Variants in KHDRBS3 observed in about 807,000 individuals in gnomAD.
KHDRBS3 encodes the protein KH domain-containing, RNA-binding, signal transduction-associated protein 3.
A neutral mutation model predicts 45.6 loss-of-function variants in KHDRBS3; 23 were observed. The observed-to-expected ratio is 0.50, with a 90% confidence interval of 0.36 to 0.72. The LOEUF (loss-of-function observed/expected upper bound fraction) is 0.72. Among genes scored for constraint, KHDRBS3 ranks in the 30% least tolerant of loss-of-function variants. KHDRBS3 has a pLI of 0.00. For synonymous variants in KHDRBS3, 162 were observed against 156.5 expected (o/e 1.04, Z -0.26); for missense variants, 352 against 424.8 (o/e 0.83, Z 1.51).
intron 5 of KHDRBS3, among the ~76,000 whole-genome samples, chr8:135,578,408 T>C (rs1296206179): frequency 6.6e-6 from 1 of 152,176 alleles, no homozygotes; most frequent in Non-Finnish European, 1.5e-5. Context: ...GAAATATGTC[T>C]GTGTCTAGGT....
Position 135,568,301 on chromosome 8 carries a change from A to G in KHDRBS3, c.611+10714A>G, listed in dbSNP as rs532303373. Among the ~76,000 whole-genome samples the G allele has an allele frequency of 2.6e-5, 4 of 152,350 alleles. No individual in the cohort carries two copies. The South Asian group carries it at 8.3e-4, about 32-fold the overall frequency. ...TAAAACTGAATTTATTCTAAAAAATAGGGTAACTCACTGGTTTTCAATATA... is the reference window on the plus strand; with the variant it reads ...TAAAACTGAATTTATTCTAAAAAATGGGGTAACTCACTGGTTTTCAATATA... On this transcript the variant is annotated intron_variant, in intron 5 of 8. Transcript: ENST00000355849.
Position 135,633,143 on chromosome 8 carries a change from AAGT to A in KHDRBS3, c.891-11912_891-11910del, listed in dbSNP as rs370558176. 1.5e-4 allele frequency among the ~76,000 whole-genome samples: 23 copies of A among 152,296 alleles called. 1 individual carries two copies. In the East Asian group the frequency reaches 3.5e-3, roughly 23 times the overall value. On this transcript the variant is annotated intron_variant, in intron 7 of 8. Transcript: ENST00000355849. ...TTTCCCATTAAAGACAGCTCCATGAAAGTAGTGAATTTGTGTTGTTTATTAAAT... is the reference window on the plus strand; with the variant it reads ...TTTCCCATTAAAGACAGCTCCATGAAAGTGAATTTGTGTTGTTTATTAAAT...
intron 6 of KHDRBS3, among the ~76,000 whole-genome samples, chr8:135,598,613 G>A (rs1218227738): frequency 6.6e-6 from 1 of 152,132 alleles, no homozygotes. Context: ...ATATGAGAAA[G>A]ATTCTTATTT....
Position 135,457,946 on chromosome 8 carries a change from T to C in KHDRBS3, c.80T>C (p.Val27Ala). Reference protein sequence around the residue: ...DPSFTHALRLVNQEIEKFQKG... With the variant: ...DPSFTHALRLANQEIEKFQKG... ...TCCTTCACGCACGCCCTGCGCCTGG[T>C]GAACCAAGGTGAGGCGCCGGCCGTT... Residue 27 changes from valine to alanine, a missense_variant, in exon 1 of 9, where the codon GTG becomes GCG. By Grantham distance (64) the Val-to-Ala change is moderately conservative. Transcript: ENST00000355849. This position sits in a 1 kb window ranked among gnomAD's most constrained non-coding sequence, Gnocchi z 4.4. 1 of 1,594,770 alleles carries C rather than the reference T, an allele frequency of 6.3e-7. No individual in the cohort carries two copies. The highest frequency in any genetic ancestry group is 8.5e-7 in the Non-Finnish European group (1 of 1,171,552).
intron 6 of KHDRBS3, among the ~76,000 whole-genome samples, chr8:135,588,511 C>T (rs1299542007): frequency 3.3e-5 from 5 of 152,098 alleles, no homozygotes; most frequent in Non-Finnish European, 7.4e-5. Context: ...CCCTCCCCTC[C>T]TTGGAGGTCA....
chr8:135,587,097 T>G (rs2130945866), intron 6 of KHDRBS3, among the ~76,000 whole-genome samples: 1 of 152,326 alleles, frequency 6.6e-6, no homozygotes, highest in South Asian at 2.1e-4. Context: ...TTAGCCAAAG[T>G]GAGAAAACTT....
chr8:135,521,340 A>G lies in KHDRBS3; in HGVS notation c.192A>G (p.Val64=). 6.2e-7 allele frequency: 1 copy of G among 1,601,474 alleles called. No individual in the cohort carries two copies. The highest frequency in any genetic ancestry group is 8.6e-7 in the Non-Finnish European group (1 of 1,168,464). The change falls in exon 2 of 9, where the codon GTA becomes GTG. Residue 64 remains valine, a synonymous_variant. Coordinates refer to ENST00000355849, the MANE Select transcript of KHDRBS3 (RefSeq NM_006558.3). The part of the protein sequence containing the change: ...MKLGQKVLIP[V]KQFPKFNFVG... ...TGGGACAGAAAGTGTTAATTCCCGT[A>G]AAACAGTTCCCTAAGGTAAGACAGT...
chr8:135,655,753 C>A (rs1047529765), intron 4 of KHDRBS3, among the ~76,000 whole-genome samples: 11 of 138,600 alleles, frequency 7.9e-5, no homozygotes. Flanking sequence ...GTTTGTTTTT[C>A]TGATCACCAG....
intron 5 of KHDRBS3, among the ~76,000 whole-genome samples, chr8:135,560,155 T>C (rs1425583709): frequency 6.6e-6 from 1 of 152,186 alleles, no homozygotes; most frequent in Non-Finnish European, 1.5e-5. Context: ...AAAAGGTATC[T>C]CTGTATATAT....
At chr8:135,483,721 G>A (rs78022806) in intron 1 of KHDRBS3, among the ~76,000 whole-genome samples, 9,515 of 152,202 alleles carry the variant, frequency 0.063, 418 homozygotes, top group African/African-American at 0.12. Flanking sequence ...TCCATCTGCC[G>A]TCTCTTGCAG....
chr8:135,606,838 T>C, intron 6 of KHDRBS3, 117 bp from the exon 7 acceptor site: 1 of 711,356 alleles, frequency 1.4e-6, no homozygotes, highest in Non-Finnish European at 2.4e-6. Flanking sequence ...CTTTACACTA[T>C]AAGTAGACAT....
chr8:135,488,578 A>C (rs188915685), intron 1 of KHDRBS3, among the ~76,000 whole-genome samples: 1 of 152,328 alleles, frequency 6.6e-6, no homozygotes, highest in Non-Finnish European at 1.5e-5. Context: ...TTCTCAGTGG[A>C]GTTCCAGGCA....
At chr8:135,621,705 A>C (rs559979548) in intron 7 of KHDRBS3, among the ~76,000 whole-genome samples, 102 of 13,124 alleles carry the variant, frequency 7.8e-3, no homozygotes, top group African/African-American at 0.016. Flanking sequence ...AGAAGAGCAC[A>C]AAAAAAAAAA....
At chr8:135,515,501 C>G (rs894116725) in intron 1 of KHDRBS3, among the ~76,000 whole-genome samples, 6 of 150,588 alleles carry the variant, frequency 4.0e-5, no homozygotes, top group Admixed American at 6.6e-5. Context: ...TTCCACCCTT[C>G]CTACTCTGCT....
intron 7 of KHDRBS3, among the ~76,000 whole-genome samples, chr8:135,617,693 T>C (rs180802164): frequency 1.3e-5 from 2 of 152,320 alleles, no homozygotes; most frequent in Admixed American, 6.5e-5. Context: ...ACCCAGGCAG[T>C]CTAAGCACTC....
intron 1 of KHDRBS3, among the ~76,000 whole-genome samples, chr8:135,477,980 C>G (rs1198598629): frequency 4.6e-5 from 7 of 152,146 alleles, no homozygotes; most frequent in Admixed American, 4.6e-4. Context: ...GCGCTGCCTC[C>G]TGTCAGATCA....
intron 2 of KHDRBS3, among the ~76,000 whole-genome samples, chr8:135,524,758 A>T: frequency 6.7e-6 from 1 of 149,920 alleles, no homozygotes; most frequent in Non-Finnish European, 1.5e-5. Flanking sequence ...AAACTCATTG[A>T]TTCCTTTCTG....
At chr8:135,518,355 A>C (rs1264731882) in intron 1 of KHDRBS3, among the ~76,000 whole-genome samples, 1 of 151,992 alleles carries the variant, frequency 6.6e-6, no homozygotes, top group African/African-American at 2.4e-5. Flanking sequence ...TGTATTTTTT[A>C]GTAGAGACGG....
chr8:135,517,570 T>C (rs1317086794), intron 1 of KHDRBS3, among the ~76,000 whole-genome samples: 2 of 152,224 alleles, frequency 1.3e-5, no homozygotes, highest in Non-Finnish European at 2.9e-5. Flanking sequence ...AAGCTACTTA[T>C]AATGCTCATT....
Sources: allele counts gnomAD v4.1 joint callset (sites outside exome capture counted in the v4.1 genomes callset), GRCh38; gene constraint gnomAD v4.1.1; non-coding constraint Gnocchi (gnomAD v3.1); transcripts MANE v1.5; gene names NCBI Gene and HGNC (gene_info 2026-07-23, HGNC 2026-07-21).